Variants in FLNB observed in about 807,000 individuals in gnomAD.
FLNB encodes filamin B.
Under a neutral mutation model 250.6 loss-of-function variants are expected in FLNB, and 111 were observed. The observed-to-expected ratio is 0.44, with a 90% CI of 0.38 to 0.52. The LOEUF (loss-of-function observed/expected upper bound fraction) is 0.52. Among genes scored for constraint, FLNB ranks in the 20% least tolerant of loss-of-function variants. The pLI is 0.00. For synonymous variants in FLNB, 1,302 were observed against 1,372.1 expected (o/e 0.95, Z 1.13); for missense variants, 2,869 against 3,447.8 (o/e 0.83, Z 4.20).
At chr3:58,021,086 G>C (rs2097113373) in intron 1 of FLNB, among the ~76,000 whole-genome samples, 1 of 152,172 alleles carries the variant, frequency 6.6e-6, no homozygotes, top group African/African-American at 2.4e-5. Context: ...GTATCACCCT[G>C]GTTTCCCTGC....
intron 1 of FLNB, among the ~76,000 whole-genome samples, chr3:58,036,890 A>T (rs1472861033): frequency 3.3e-5 from 5 of 152,052 alleles, no homozygotes; most frequent in African/African-American, 9.7e-5. Context: ...CACTGTCTAT[A>T]ATTTTTGCAA....
At chr3:58,117,900 T>C (rs1351690067) in intron 18 of FLNB, among the ~76,000 whole-genome samples, 2 of 151,972 alleles carry the variant, frequency 1.3e-5, no homozygotes, top group Non-Finnish European at 2.9e-5. Flanking sequence ...CAGCAACAGC[T>C]TTCAGCAGGG....
chr3:58,156,174 C>T (rs1559736388), intron 41 of FLNB, 99 bp downstream of exon 41: 1 of 873,032 alleles, frequency 1.1e-6, no homozygotes, highest in East Asian at 2.6e-5. Flanking sequence ...TGCTGAGGCC[C>T]CTTTTCACAT....
chr3:58,138,897 T>A (rs1344716252), intron 29 of FLNB, among the ~76,000 whole-genome samples: 1 of 152,220 alleles, frequency 6.6e-6, no homozygotes, highest in East Asian at 1.9e-4. Context: ...TCTTCCATCT[T>A]CATGGCCATT....
chr3:58,122,395 A>G (rs950946321), intron 20 of FLNB, among the ~76,000 whole-genome samples: 5 of 150,804 alleles, frequency 3.3e-5, no homozygotes, highest in African/African-American at 1.2e-4. Context: ...CGGGAGGCTG[A>G]GGTGGGATAA....
At chr3:58,146,202 C>T (rs958299150) in intron 33 of FLNB, among the ~76,000 whole-genome samples, 153 bp downstream of exon 33, 2 of 152,146 alleles carry the variant, frequency 1.3e-5, no homozygotes, top group Non-Finnish European at 2.9e-5. Context: ...TCTTTAGAGC[C>T]GCTTCGTCTT....
intron 13 of FLNB, 42 bp from the exon 14 acceptor site, chr3:58,109,137 G>C: frequency 2.5e-6 from 4 of 1,613,934 alleles, no homozygotes; most frequent in Non-Finnish European, 2.5e-6. Context: ...GATAGAGACA[G>C]TGTGAGGGCC....
chr3:58,117,126 C>T (rs903382777), intron 18 of FLNB, among the ~76,000 whole-genome samples: 2 of 152,156 alleles, frequency 1.3e-5, no homozygotes, highest in African/African-American at 2.4e-5. Context: ...TGTCTTGCAG[C>T]CTGCGAAGTC....
intron 1 of FLNB, among the ~76,000 whole-genome samples, chr3:58,061,958 G>A (rs987284014): frequency 6.6e-6 from 1 of 151,762 alleles, no homozygotes; most frequent in Non-Finnish European, 1.5e-5. Flanking sequence ...GGGCATGATG[G>A]GGGGCGCCTG....
At chr3:58,012,892 G>A (rs1186030676) in intron 1 of FLNB, among the ~76,000 whole-genome samples, 1 of 152,254 alleles carries the variant, frequency 6.6e-6, no homozygotes, top group South Asian at 2.1e-4. Context: ...GAGATAGGTG[G>A]TGTTTCAACA....
chr3:58,056,643 C>G (rs886450877), intron 1 of FLNB, among the ~76,000 whole-genome samples: 3 of 152,078 alleles, frequency 2.0e-5, no homozygotes, highest in Non-Finnish European at 4.4e-5. Context: ...GCTTTGTTGC[C>G]CAGGCTGGAG....
intron 22 of FLNB, among the ~76,000 whole-genome samples, chr3:58,125,216 T>A (rs2097295701): frequency 6.6e-6 from 1 of 152,136 alleles, no homozygotes; most frequent in Non-Finnish European, 1.5e-5. Context: ...CACTGCAGGC[T>A]CAACCTCCTG....
At chr3:58,150,651 G>A (rs536168790) in intron 38 of FLNB, 76 of 282,224 alleles carry the variant, frequency 2.7e-4, no homozygotes, top group Non-Finnish European at 4.5e-4. Context: ...AACGAGGGCT[G>A]TGCTGCAGAA....
chr3:58,024,119 G>T (rs1170995914), intron 1 of FLNB, among the ~76,000 whole-genome samples: 1 of 152,032 alleles, frequency 6.6e-6, no homozygotes, highest in Non-Finnish European at 1.5e-5. Context: ...AGGACACCAG[G>T]CCCATGAAGC....
At chr3:58,043,227 C>T (rs760297691) in intron 1 of FLNB, among the ~76,000 whole-genome samples, 39 of 149,826 alleles carry the variant, frequency 2.6e-4, no homozygotes, top group Middle Eastern at 3.4e-3. Context: ...CTCTGCCTCC[C>T]AGGTTCAAGC....
Position 58,077,034 on chromosome 3 carries a change from T to G in FLNB, c.293-12T>G, listed in dbSNP as rs552863443. On this transcript the variant is annotated splice_polypyrimidine_tract_variant and intron_variant, in intron 1 of 45. Coordinates refer to ENST00000295956, the MANE Select transcript of FLNB (RefSeq NM_001457.4). ...CCCAAAGGAATGACCAAGCCTGTGC[T>G]TCTCTCCCCAGATAGCAAAGCCATT... The G allele has an allele frequency of 1.9e-6, 3 of 1,614,008 alleles. No individual in the cohort carries two copies. The African/African-American group carries it at 4.0e-5, about 22-fold the overall frequency.
At chr3:58,033,471 A>G (rs2097133794) in intron 1 of FLNB, among the ~76,000 whole-genome samples, 1 of 151,008 alleles carries the variant, frequency 6.6e-6, no homozygotes, top group East Asian at 1.9e-4. Flanking sequence ...GCTCACTACA[A>G]CCTCCATCTC....
chr3:58,056,352 C>T (rs1045634510), intron 1 of FLNB, among the ~76,000 whole-genome samples: 4 of 150,884 alleles, frequency 2.7e-5, no homozygotes, highest in African/African-American at 5.0e-5. Flanking sequence ...CTGCCTACCT[C>T]GGGCTCCCAA....
At chr3:58,139,713 ATTCAC>A (rs1246342598) in intron 29 of FLNB, among the ~76,000 whole-genome samples, 3 of 152,186 alleles carry the variant, frequency 2.0e-5, no homozygotes, top group African/African-American at 7.2e-5. Context: ...TGATGTCCTT[ATTCAC>A]AGAGAAGGGT....
Sources: gnomAD v4.1 joint callset for allele counts (sites outside exome capture counted in the v4.1 genomes callset) on GRCh38, gnomAD v4.1.1 for gene constraint, MANE v1.5 for transcripts, NCBI Gene and HGNC (gene_info 2026-07-23, HGNC 2026-07-21) for gene names.